The following DTX1 variants were observed in gnomAD, a reference collection of about 807,000 sequenced individuals.
DTX1 encodes the protein E3 ubiquitin-protein ligase DTX1.
In DTX1, 26 loss-of-function variants were observed where a neutral mutation model predicts 57.8. That is an observed-to-expected ratio of 0.45 (90% CI 0.33 to 0.62). DTX1 has a LOEUF of 0.62. DTX1 is among the 20% of genes least tolerant of loss of function. The pLI is 0.02. For missense variants in DTX1, 704 were observed against 895.3 expected (o/e 0.79, Z 2.73); for synonymous variants, 398 against 394.1 (o/e 1.01, Z -0.12).
chr12:113,078,619 A>G (rs1434463656), intron 3 of DTX1, among the ~76,000 whole-genome samples: 3 of 152,132 alleles, frequency 2.0e-5, no homozygotes, highest in East Asian at 1.9e-4. Flanking sequence ...TGGGAAAGCT[A>G]TGGTGCCTTC....
chr12:113,065,181 C>G (rs1000141086), intron 2 of DTX1, among the ~76,000 whole-genome samples: 9 of 152,188 alleles, frequency 5.9e-5, no homozygotes, highest in African/African-American at 2.2e-4. Context: ...ATCACGGGCC[C>G]TTGGAGCTGG....
rs754242357 is a variant in DTX1, at chr12:113,095,104, G to T, written c.1449G>T (p.Pro483=). Residue 483 remains proline, a synonymous_variant, in exon 8 of 10, where the codon CCG becomes CCT. Coordinates refer to ENST00000548759, the MANE Select transcript of DTX1 (RefSeq NM_004416.3). ...AIYGEKTGTQ[P]PGKMEFHLIP... is the part of the protein sequence containing the mutation. ...ACGGGGAGAAGACGGGTACGCAGCC[G>T]CCTGGGAAGATGGAGTTCCACCTCA... 6.2e-7 allele frequency: 1 copy of T among 1,613,696 alleles called. No homozygotes were observed. Among genetic ancestry groups the T allele is most frequent in the Non-Finnish European group, 8.5e-7 (1 of 1,179,782 alleles).
chr12:113,076,171 T>C, intron 2 of DTX1, among the ~76,000 whole-genome samples: 1 of 151,934 alleles, frequency 6.6e-6, no homozygotes, highest in African/African-American at 2.4e-5. Flanking sequence ...AAAAAAAGCA[T>C]AAGGGGCCCA....
rs758432034 is a variant in DTX1 at position 113,093,804 on chromosome 12, A to T, written c.1165+104A>T. The stretch of plus-strand genomic sequence containing the variant: ...ACTTATTCTTAGCATTTACTACCTC[A>T]CCTCCATTGCCTGATCTCAGCTCCC... On this transcript the variant is annotated intron_variant, in intron 5 of 9. Coordinates refer to ENST00000548759, the MANE Select transcript of DTX1 (RefSeq NM_004416.3). This position sits in a 1 kb window ranked among gnomAD's most constrained non-coding sequence, Gnocchi z 4.2. 6.6e-7 allele frequency: 1 copy of T among 1,511,770 alleles called. No homozygotes were observed. Among genetic ancestry groups the T allele is most frequent in the African/African-American group, 1.4e-5 (1 of 72,164 alleles). The allele number at this position is 1,511,770 out of a possible 1,614,324, so 93.6% of individuals were successfully genotyped here.
chr12:113,057,295 C>A (rs1021679404), intron 1 of DTX1, among the ~76,000 whole-genome samples, 154 bp from the exon 2 acceptor site: 2 of 152,090 alleles, frequency 1.3e-5, no homozygotes, highest in African/African-American at 2.4e-5. Context: ...TCCAGGCCTG[C>A]CCCAAGGGAA....
At chr12:113,082,813 G>T (rs987133447) in intron 3 of DTX1, among the ~76,000 whole-genome samples, 1 of 152,140 alleles carries the variant, frequency 6.6e-6, no homozygotes, top group African/African-American at 2.4e-5. Context: ...GCCCAGGCTG[G>T]TCTCAAACTC....
chr12:113,096,204 C>CAA (rs780078089), intron 9 of DTX1, among the ~76,000 whole-genome samples: 27 of 142,992 alleles, frequency 1.9e-4, no homozygotes, highest in Middle Eastern at 3.6e-3. Flanking sequence ...GACTCCATCA[C>CAA]AAAAAAAAAA....
intron 3 of DTX1, among the ~76,000 whole-genome samples, chr12:113,079,548 G>T (rs2044800710): frequency 1.4e-5 from 1 of 71,112 alleles, no homozygotes; most frequent in Non-Finnish European, 2.3e-5. Context: ...TTTTTTTTGA[G>T]ATACAGTTTC....
Position 113,058,028 on chromosome 12 carries a change from C to G in DTX1, c.-165C>G. On this transcript the variant is annotated 5_prime_UTR_variant, in exon 2 of 10. Coordinates refer to ENST00000548759, the MANE Select transcript of DTX1 (RefSeq NM_004416.3). ...CAGCCTGGATGGCCATCCCACATTC[C>G]TTTAACGGAGGTCTCTAGGCCTCAG... 2.5e-6 allele frequency: 3 copies of G among 1,187,348 alleles called. No individual in the cohort carries two copies. Among genetic ancestry groups the G allele is most frequent in the African/African-American group, 1.5e-5 (1 of 64,904 alleles). 73.6% of individuals were successfully genotyped at this position (1,187,348 alleles called of 1,614,324 possible).
chr12:113,062,948 A>G (rs1157577532), intron 2 of DTX1, among the ~76,000 whole-genome samples: 2 of 152,166 alleles, frequency 1.3e-5, no homozygotes, highest in Non-Finnish European at 2.9e-5. Context: ...GAGCCCCTCC[A>G]CGGGGAGGCC....
In DTX1 at chr12:113,058,350, A is replaced by G. The variant is rs2044644593; in HGVS notation, c.158A>G (p.Lys53Arg). 6.2e-7 allele frequency: 1 copy of G among 1,613,368 alleles called. No individual in the cohort carries two copies. Among genetic ancestry groups the G allele is most frequent in the Non-Finnish European group, 8.5e-7 (1 of 1,180,036 alleles). The change falls in exon 2 of 10, where the codon AAG becomes AGG. Residue 53 changes from lysine (K) to arginine (R), a missense_variant. By Grantham distance (26) the Lys-to-Arg change is conservative. Transcript: ENST00000548759. The part of the protein sequence containing the change: ...TVCHHIENVL[K>R]EDARGSVVLG... Reference sequence around the variant, plus strand: ...TGCCACCACATTGAGAACGTGCTGAAGGAGGACGCTCGCGGTTCCGTGGTC... The same window carrying G: ...TGCCACCACATTGAGAACGTGCTGAGGGAGGACGCTCGCGGTTCCGTGGTC...
At chr12:113,084,663 G>A (rs2044842893) in intron 3 of DTX1, among the ~76,000 whole-genome samples, 1 of 152,196 alleles carries the variant, frequency 6.6e-6, no homozygotes, top group Admixed American at 6.5e-5. Flanking sequence ...GGGATTACTG[G>A]CATGAACCAC....
rs758302185 is a variant in DTX1, at chr12:113,058,369, C to T, written c.177C>T (p.Ser59=). The change falls in exon 2 of 10, where the codon TCC becomes TCT. Residue 59 remains serine, a synonymous_variant. Transcript: ENST00000548759. ...ENVLKEDARG[S]VVLGQVDAQL... is the part of the protein sequence containing the mutation. ...TGCTGAAGGAGGACGCTCGCGGTTCCGTGGTCCTGGGGCAGGTGGACGCCC... is the reference window on the plus strand; with the variant it reads ...TGCTGAAGGAGGACGCTCGCGGTTCTGTGGTCCTGGGGCAGGTGGACGCCC... 4 of 1,611,650 alleles carry T rather than the reference C, an allele frequency of 2.5e-6. No individual in the cohort carries two copies. The highest frequency in any genetic ancestry group is 4.5e-5 in the East Asian group (2 of 44,904).
chr12:113,095,181 A>T lies in DTX1; in HGVS notation c.1526A>T (p.Tyr509Phe). Residue 509 changes from tyrosine (Y) to phenylalanine (F), a missense_variant, in exon 8 of 10, where the codon TAT becomes TTT. Around this residue, in one of 3 missense-constraint regions of DTX1, gnomAD observed 168 missense variants for 255.6 expected, o/e 0.66. Transcript: ENST00000548759. ...FPDTQTIRIV[Y>F]DIPTGIQGPE... ...GATACCCAGACCATCCGCATCGTCTATGACATCCCCACAGGCATCCAGGTG... is the reference window on the plus strand; with the variant it reads ...GATACCCAGACCATCCGCATCGTCTTTGACATCCCCACAGGCATCCAGGTG... 1 of 1,608,646 alleles carries T rather than the reference A, an allele frequency of 6.2e-7. No homozygotes were observed.
chr12:113,093,622 G>C lies in DTX1; in HGVS notation c.1087G>C (p.Val363Leu). Reference protein sequence around the residue: ...APKPILHPPPVSKSDVKPVPG... With the variant: ...APKPILHPPPLSKSDVKPVPG... Reference sequence around the variant, plus strand: ...CAAGCCCATCCTGCACCCGCCGCCCGTGAGCAAGAGCGACGTGAAGCCCGT... The same window carrying C: ...CAAGCCCATCCTGCACCCGCCGCCCCTGAGCAAGAGCGACGTGAAGCCCGT... The change falls in exon 5 of 10, where the codon GTG (valine) becomes CTG (leucine). Residue 363 changes from valine to leucine, a missense_variant. This residue lies in a region of DTX1 where 299 missense variants were observed against 311.2 expected (regional missense o/e 0.96). Coordinates refer to ENST00000548759, the MANE Select transcript of DTX1 (RefSeq NM_004416.3). This position sits in a 1 kb window ranked among gnomAD's most constrained non-coding sequence, Gnocchi z 4.2. 1 of 1,613,350 alleles carries C rather than the reference G, an allele frequency of 6.2e-7. No homozygotes were observed. The highest frequency in any genetic ancestry group is 8.5e-7 in the Non-Finnish European group (1 of 1,179,804).
At chr12:113,071,595 C>G (rs1369900914) in intron 2 of DTX1, among the ~76,000 whole-genome samples, 6 of 152,268 alleles carry the variant, frequency 3.9e-5, no homozygotes, top group Non-Finnish European at 7.3e-5. Context: ...GAAACTCCAG[C>G]CCCTTCTTAG....
intron 3 of DTX1, among the ~76,000 whole-genome samples, chr12:113,085,211 G>A (rs2044847992): frequency 6.6e-6 from 1 of 152,086 alleles, no homozygotes; most frequent in Non-Finnish European, 1.5e-5. Context: ...CACCAACCCG[G>A]CTAATTTTTT....
rs146064417 is a variant in DTX1 at position 113,065,006 on chromosome 12, G to A, written c.259+6555G>A. ...TCCTTCAGCAGGGTCCTGGAGGAGGGTCTCAGGCCTGGGTGGCAGAGGGAG... is the reference window on the plus strand; with the variant it reads ...TCCTTCAGCAGGGTCCTGGAGGAGGATCTCAGGCCTGGGTGGCAGAGGGAG... On this transcript the variant is annotated intron_variant, in intron 2 of 9. Transcript: ENST00000548759. Among the ~76,000 whole-genome samples the A allele has an allele frequency of 2.1e-3, 325 of 152,348 alleles. 4 individuals are homozygous for A. The highest frequency in any genetic ancestry group is 7.1e-3 in the African/African-American group (296 of 41,584).
intron 3 of DTX1, 119 bp downstream of exon 3, chr12:113,078,224 A>G: frequency 1.2e-6 from 1 of 826,172 alleles, no homozygotes; most frequent in Non-Finnish European, 1.5e-6. Context: ...GACGATAAGT[A>G]ATATCCAGCA....
Sources: gnomAD v4.1 joint callset for allele counts (sites outside exome capture counted in the v4.1 genomes callset) on GRCh38, gnomAD v4.1.1 for gene constraint, gnomAD v4.1.1 regional missense constraint, Gnocchi (gnomAD v3.1) non-coding constraint, MANE v1.5 for transcripts, NCBI Gene and HGNC (gene_info 2026-07-23, HGNC 2026-07-21) for gene names.